The following PATJ variants were observed in gnomAD, a reference collection of about 807,000 sequenced individuals.
The protein encoded by PATJ is PATJ crumbs cell polarity complex component.
In PATJ, 190 loss-of-function variants were observed where a neutral mutation model predicts 224.9. That is an observed-to-expected ratio of 0.84 (90% CI 0.75 to 0.95). The LOEUF (loss-of-function observed/expected upper bound fraction) is 0.95. Among genes scored for constraint, PATJ ranks in the 40% least tolerant of loss-of-function variants. The pLI is 0.00. For missense variants in PATJ, 2,121 were observed against 2,270.3 expected, an observed-to-expected ratio of 0.93 and a Z score of 1.34; for synonymous variants, 769 against 820.3, an observed-to-expected ratio of 0.94 and a Z score of 1.07.
intron 17 of PATJ, among the ~76,000 whole-genome samples, chr1:61,838,575 T>G (rs918250584): frequency 1.2e-4 from 18 of 149,806 alleles, no homozygotes; most frequent in African/African-American, 4.4e-4. Flanking sequence ...TTTCACCGTG[T>G]TAGCCAGGAT....
chr1:61,980,740 T>C (rs1571630990), intron 27 of PATJ, among the ~76,000 whole-genome samples: 1 of 152,108 alleles, frequency 6.6e-6, no homozygotes, highest in Non-Finnish European at 1.5e-5. Context: ...TGCCAGGCCA[T>C]GCGGGGTTCC....
intron 1 of PATJ, among the ~76,000 whole-genome samples, chr1:61,747,618 A>C (rs1645089389): frequency 1.3e-5 from 2 of 152,194 alleles, no homozygotes; most frequent in Non-Finnish European, 2.9e-5. Context: ...TTTATTGGGA[A>C]GAACTCAAGT....
chr1:61,773,338 T>C (rs1414025404), intron 6 of PATJ, among the ~76,000 whole-genome samples: 1 of 152,074 alleles, frequency 6.6e-6, no homozygotes, highest in Non-Finnish European at 1.5e-5. Context: ...TAATGCTTTT[T>C]ATTTAAGACT....
At chr1:62,151,730 T>C (rs548161779) in intron 42 of PATJ, among the ~76,000 whole-genome samples, 1 of 152,350 alleles carries the variant, frequency 6.6e-6, no homozygotes, top group African/African-American at 2.4e-5. Flanking sequence ...GCTGAGTTTA[T>C]ATGAGATGAC....
chr1:61,777,944 A>T lies in PATJ; in HGVS notation c.849+2610A>T, dbSNP rs374739685. 2.0e-4 allele frequency among the ~76,000 whole-genome samples: 30 copies of T among 151,816 alleles called. No individual in the cohort carries two copies. In the South Asian group the frequency reaches 2.9e-3, roughly 15 times the overall value. ...ACCCAGGCTGGAGTGCAGTGGTGCT[A>T]TCTTGGCTGACTGCAGCCTCTGCCT... On this transcript the variant is annotated intron_variant, in intron 7 of 43. Transcript: ENST00000642238.
At chr1:61,795,601 A>G in intron 10 of PATJ, 43 bp downstream of exon 10, 1 of 1,189,666 alleles carries the variant, frequency 8.4e-7, no homozygotes, top group Non-Finnish European at 1.3e-6. Context: ...CTAGTTGAAA[A>G]AAAGGTTGAT....
At chr1:62,071,587 A>ATG (rs1657423860) in intron 31 of PATJ, among the ~76,000 whole-genome samples, 1 of 140,538 alleles carries the variant, frequency 7.1e-6, no homozygotes, top group African/African-American at 2.7e-5. Context: ...CCGCCTCCCC[A>ATG]GGTAAAAGCA....
chr1:61,909,265 C>G (rs1672276123), intron 25 of PATJ, among the ~76,000 whole-genome samples: 1 of 152,148 alleles, frequency 6.6e-6, no homozygotes, highest in South Asian at 2.1e-4. Flanking sequence ...CAGGTGTGAG[C>G]CACTGCGCCT....
intron 1 of PATJ, among the ~76,000 whole-genome samples, chr1:61,748,813 C>T (rs529691767): frequency 5.9e-5 from 9 of 152,238 alleles, no homozygotes; most frequent in East Asian, 1.9e-4. Flanking sequence ...CGCACCACCA[C>T]GCTCAGCTAG....
At chr1:62,139,427 G>C (rs1331893031) in intron 41 of PATJ, among the ~76,000 whole-genome samples, 1 of 120,384 alleles carries the variant, frequency 8.3e-6, no homozygotes, top group Non-Finnish European at 1.7e-5. Flanking sequence ...AAAAAAAAAA[G>C]AGCAAACTTC....
At chr1:61,781,901 C>T (rs1647425711) in intron 7 of PATJ, among the ~76,000 whole-genome samples, 1 of 152,184 alleles carries the variant, frequency 6.6e-6, no homozygotes, top group Non-Finnish European at 1.5e-5. Context: ...CCCATGGAGT[C>T]ATATAGGACA....
chr1:62,128,033 TC>T lies in PATJ; in HGVS notation c.5109del (p.Val1704TyrfsTer5). ...AGGRGSPLGD[I>X]PVFIAMIQAS... is the part of the protein sequence containing the mutation. Reference sequence around the variant, plus strand: ...GGAAGAGGAAGTCCCTTAGGAGATATCCCCGTATTTATTGCCATGATTCAGG... The same window carrying T: ...GGAAGAGGAAGTCCCTTAGGAGATATCCCGTATTTATTGCCATGATTCAGG... On this transcript the variant is annotated frameshift_variant, in exon 40 of 44. Coordinates refer to ENST00000642238, the MANE Select transcript of PATJ (RefSeq NM_001350145.3). LOFTEE classifies it high-confidence loss of function. 1.2e-6 allele frequency: 2 copies of T among 1,614,076 alleles called. No homozygotes were observed. Among genetic ancestry groups the T allele is most frequent in the Non-Finnish European group, 1.7e-6 (2 of 1,179,982 alleles).
intron 28 of PATJ, 75 bp from the exon 29 acceptor site, chr1:62,017,781 T>A: frequency 1.4e-6 from 1 of 698,698 alleles, no homozygotes; most frequent in Non-Finnish European, 2.5e-6. Context: ...GTAGACTTTA[T>A]CATTTAATTC....
intron 20 of PATJ, chr1:61,865,211 T>C (rs954791760): frequency 1.4e-5 from 2 of 146,998 alleles, no homozygotes; most frequent in African/African-American, 4.9e-5. Flanking sequence ...AAATTTTCTT[T>C]TCTCTTTTTT....
At chr1:62,106,926 C>CA (rs959278841) in intron 33 of PATJ, among the ~76,000 whole-genome samples, 1 of 152,088 alleles carries the variant, frequency 6.6e-6, no homozygotes, top group African/African-American at 2.4e-5. Flanking sequence ...GCACTGGGGG[C>CA]AAGGAATAGG....
At chr1:62,051,903 T>C (rs1212717922) in intron 31 of PATJ, among the ~76,000 whole-genome samples, 1 of 152,196 alleles carries the variant, frequency 6.6e-6, no homozygotes, top group Non-Finnish European at 1.5e-5. Context: ...ATGCATTTCC[T>C]GTTCTTTGAT....
At chr1:61,896,270 T>TG (rs1444585072) in intron 22 of PATJ, among the ~76,000 whole-genome samples, 2 of 146,690 alleles carry the variant, frequency 1.4e-5, no homozygotes, top group African/African-American at 5.0e-5. Context: ...CACTCCATCC[T>TG]GGGCGACAGA....
chr1:62,035,661 C>T (rs1650255786), intron 29 of PATJ, among the ~76,000 whole-genome samples: 1 of 146,546 alleles, frequency 6.8e-6, no homozygotes, highest in South Asian at 2.2e-4. Flanking sequence ...ACTTGCCAGG[C>T]ACTGTGTTAC....
intron 32 of PATJ, among the ~76,000 whole-genome samples, chr1:62,082,588 A>G (rs903080464): frequency 6.6e-6 from 1 of 152,132 alleles, no homozygotes; most frequent in African/African-American, 2.4e-5. Flanking sequence ...TCTATAAAGA[A>G]GTAGATTGTA....
Sources: allele counts gnomAD v4.1 joint callset (sites outside exome capture counted in the v4.1 genomes callset), GRCh38; gene constraint gnomAD v4.1.1; transcripts MANE v1.5; gene names NCBI Gene and HGNC (gene_info 2026-07-23, HGNC 2026-07-21).